Variants in PDE4B observed in about 807,000 individuals in gnomAD.
PDE4B encodes the protein 3',5'-cyclic-AMP phosphodiesterase 4B.
Under a neutral mutation model 82.2 loss-of-function variants are expected in PDE4B, and 20 were observed. That is an observed-to-expected ratio of 0.24 (90% CI 0.17 to 0.35). PDE4B has a LOEUF of 0.35. PDE4B is among the 10% of genes least tolerant of loss of function. The pLI is 1.00. For synonymous variants in PDE4B, 320 were observed against 318.9 expected (o/e 1.00, Z -0.04); for missense variants, 655 against 907.2 (o/e 0.72, Z 3.57).
At chr1:66,332,019 G>A (rs930559726) in intron 7 of PDE4B, 31 of 1,041,620 alleles carry the variant, frequency 3.0e-5, no homozygotes, top group Non-Finnish European at 3.5e-5. Flanking sequence ...GTTTTCACCC[G>A]AATTTTGACT....
intron 1 of PDE4B, among the ~76,000 whole-genome samples, chr1:65,847,392 A>C (rs564150359): frequency 8.0e-4 from 122 of 152,204 alleles, no homozygotes; most frequent in Non-Finnish European, 1.5e-3. Context: ...TCAACATGAC[A>C]GCTATGGCTG....
At chr1:66,190,896 G>A (rs894316038) in intron 3 of PDE4B, among the ~76,000 whole-genome samples, 1 of 152,050 alleles carries the variant, frequency 6.6e-6, no homozygotes, top group African/African-American at 2.4e-5. Flanking sequence ...TACCTCAGTT[G>A]GTAATGCAGA....
At chr1:66,188,618 T>C (rs1401644926) in intron 3 of PDE4B, among the ~76,000 whole-genome samples, 2 of 151,720 alleles carry the variant, frequency 1.3e-5, no homozygotes, top group African/African-American at 4.8e-5. Flanking sequence ...TTGATCTTTG[T>C]TGGTTTAAAG....
chr1:65,923,164 G>T (rs1321722269), intron 3 of PDE4B, among the ~76,000 whole-genome samples: 1 of 152,186 alleles, frequency 6.6e-6, no homozygotes, highest in African/African-American at 2.4e-5. Flanking sequence ...CTAACCAGCT[G>T]CAGCCTAAGT....
At chr1:66,070,894 C>A (rs1656122076) in intron 3 of PDE4B, among the ~76,000 whole-genome samples, 1 of 151,750 alleles carries the variant, frequency 6.6e-6, no homozygotes, top group Non-Finnish European at 1.5e-5. Flanking sequence ...AGGGAATATC[C>A]TTTTATTTTG....
chr1:66,273,682 C>T (rs116107799), intron 7 of PDE4B, among the ~76,000 whole-genome samples: 3,151 of 152,346 alleles, frequency 0.021, 97 homozygotes, highest in African/African-American at 0.073. Flanking sequence ...TACTAATCCT[C>T]TTTTTCTATA....
chr1:66,028,310 C>G (rs1367940483), intron 3 of PDE4B, among the ~76,000 whole-genome samples: 5 of 152,114 alleles, frequency 3.3e-5, no homozygotes, highest in Admixed American at 2.0e-4. Flanking sequence ...GCTGGAGTGG[C>G]TGGGACACAG....
chr1:65,924,374 G>A (rs566992647), intron 3 of PDE4B, among the ~76,000 whole-genome samples: 23 of 151,626 alleles, frequency 1.5e-4, no homozygotes, highest in Non-Finnish European at 3.2e-4. Flanking sequence ...GCGCCCGGCC[G>A]CTAATTTTTT....
At chr1:65,901,363 G>A (rs1177586909) in intron 1 of PDE4B, among the ~76,000 whole-genome samples, 1 of 151,978 alleles carries the variant, frequency 6.6e-6, no homozygotes, top group African/African-American at 2.4e-5. Context: ...GCTATATTTT[G>A]TTGAAGATTT....
At chr1:65,870,501 T>C (rs1436813664) in intron 1 of PDE4B, among the ~76,000 whole-genome samples, 1 of 152,216 alleles carries the variant, frequency 6.6e-6, no homozygotes, top group Non-Finnish European at 1.5e-5. Context: ...TGAGGTTTTT[T>C]TGAGGTCTCA....
At chr1:66,069,904 C>G (rs1656062795) in intron 3 of PDE4B, among the ~76,000 whole-genome samples, 4 of 152,050 alleles carry the variant, frequency 2.6e-5, no homozygotes, top group African/African-American at 9.6e-5. Context: ...AGATTTACTC[C>G]TTTTTGATTC....
At chr1:65,925,350 T>C (rs780349631) in intron 3 of PDE4B, among the ~76,000 whole-genome samples, 29 of 152,172 alleles carry the variant, frequency 1.9e-4, no homozygotes, top group Non-Finnish European at 3.8e-4. Context: ...AATTCCTTAC[T>C]ACTATTTAAA....
chr1:66,094,239 T>A (rs1645074961), intron 3 of PDE4B, among the ~76,000 whole-genome samples: 1 of 151,978 alleles, frequency 6.6e-6, no homozygotes, highest in East Asian at 1.9e-4. Context: ...ACATACAGCA[T>A]GCTTGGTAGG....
intron 3 of PDE4B, chr1:66,094,336 A>G (rs1645076458): frequency 1.3e-5 from 2 of 152,078 alleles, no homozygotes; most frequent in South Asian, 2.1e-4. Flanking sequence ...CAATCCTTGT[A>G]TAACAGAAGA....
chr1:66,317,956 G>A (rs1659139935), intron 7 of PDE4B, among the ~76,000 whole-genome samples: 2 of 152,086 alleles, frequency 1.3e-5, no homozygotes, highest in South Asian at 4.1e-4. Context: ...GAGGAGGTGG[G>A]ACTCCCAGGA....
intron 3 of PDE4B, among the ~76,000 whole-genome samples, chr1:66,202,441 G>C (rs1434067855): frequency 1.3e-5 from 2 of 152,194 alleles, no homozygotes; most frequent in African/African-American, 4.8e-5. Context: ...AATGTTGACA[G>C]TGGGGTGTTA....
At chr1:66,040,112 G>A (rs973411480) in intron 3 of PDE4B, among the ~76,000 whole-genome samples, 2 of 151,924 alleles carry the variant, frequency 1.3e-5, no homozygotes, top group African/African-American at 4.8e-5. Context: ...CTGAACACTG[G>A]TTACTCAGGA....
At chr1:65,895,951 A>G (rs1290025207) in intron 1 of PDE4B, among the ~76,000 whole-genome samples, 2 of 148,378 alleles carry the variant, frequency 1.3e-5, no homozygotes, top group Non-Finnish European at 3.0e-5. Context: ...TAATAATAAT[A>G]ATAATAATAA....
chr1:65,899,427 A>G (rs772036762), intron 1 of PDE4B, among the ~76,000 whole-genome samples: 7 of 151,974 alleles, frequency 4.6e-5, no homozygotes, highest in Non-Finnish European at 1.0e-4. Flanking sequence ...TCCTTAAAGA[A>G]CTAAAAGTAG....
Sources: allele counts gnomAD v4.1 joint callset (sites outside exome capture counted in the v4.1 genomes callset), GRCh38; gene constraint gnomAD v4.1.1; transcripts MANE v1.5; gene names NCBI Gene and HGNC (gene_info 2026-07-23, HGNC 2026-07-21).